RPIA: variants seen among roughly 807,000 people sequenced by gnomAD.
RPIA encodes ribose 5-phosphate isomerase A.
RPIA carries 29 observed loss-of-function variants against 37.8 expected under a neutral mutation model. The observed-to-expected ratio is 0.77, with a 90% confidence interval of 0.57 to 1.05. The LOEUF is 1.05. Among genes scored for constraint, RPIA ranks in the 50% least tolerant of loss-of-function variants. The probability of loss-of-function intolerance (pLI) is 0.00; values close to 1 mark genes in which losing one functional copy is unlikely to be tolerated. For synonymous variants in RPIA, 167 were observed against 157.0 expected, an observed-to-expected ratio of 1.06 and a Z score of -0.48; for missense variants, 385 against 413.6, an observed-to-expected ratio of 0.93 and a Z score of 0.60.
At chr2:88,749,130 AATGT>A (rs1673472375) in intron 8 of RPIA, among the ~76,000 whole-genome samples, 1 of 152,220 alleles carries the variant, frequency 6.6e-6, no homozygotes, top group Non-Finnish European at 1.5e-5. Flanking sequence ...TTGATGACCA[AATGT>A]ATGCCTAACA....
chr2:88,718,810 A>G (rs1673068017), intron 3 of RPIA, among the ~76,000 whole-genome samples: 1 of 152,250 alleles, frequency 6.6e-6, no homozygotes, highest in Non-Finnish European at 1.5e-5. Flanking sequence ...AATCAGGTAG[A>G]GAAAAACAAA....
At chr2:88,737,949 T>C in intron 7 of RPIA, 28 bp from the exon 8 acceptor site, 2 of 1,554,852 alleles carry the variant, frequency 1.3e-6, no homozygotes. Flanking sequence ...ATCTGCATCC[T>C]TGGTCACTGT....
intron 4 of RPIA, among the ~76,000 whole-genome samples, chr2:88,733,733 C>A (rs527881450): frequency 6.6e-6 from 1 of 152,290 alleles, no homozygotes; most frequent in African/African-American, 2.4e-5. Context: ...AGTAACTGCA[C>A]CATGAATAGA....
chr2:88,740,958 T>C (rs1004236477), intron 8 of RPIA, among the ~76,000 whole-genome samples: 2 of 152,210 alleles, frequency 1.3e-5, no homozygotes, highest in East Asian at 1.9e-4. Flanking sequence ...GGACCTTTAT[T>C]TGTGTTCAGC....
At chr2:88,745,509 A>T (rs1673429049) in intron 8 of RPIA, among the ~76,000 whole-genome samples, 1 of 152,174 alleles carries the variant, frequency 6.6e-6, no homozygotes, top group Non-Finnish European at 1.5e-5. Context: ...TTGTCTGAAA[A>T]TGACTGTATC....
rs746567368 is a variant in RPIA at position 88,734,632 on chromosome 2, G to C, written c.527+16G>C. 6.2e-7 allele frequency: 1 copy of C among 1,613,560 alleles called. No homozygotes were observed. Among genetic ancestry groups the C allele is most frequent in the Admixed American group, 1.7e-5 (1 of 60,024 alleles). On this transcript the variant is annotated intron_variant, in intron 5 of 8. Coordinates refer to ENST00000283646, the MANE Select transcript of RPIA (RefSeq NM_144563.3). ...AGGGTGGCGGGTGAGTGTTGTGGGG[G>C]CTTCTGTGCTAAAGAGTATCTGCCA...
chr2:88,718,342 T>A (rs1415064075), intron 3 of RPIA, among the ~76,000 whole-genome samples: 1 of 151,184 alleles, frequency 6.6e-6, no homozygotes, highest in Non-Finnish European at 1.5e-5. Context: ...AGAATAATAA[T>A]TACTTTTTTT....
intron 8 of RPIA, among the ~76,000 whole-genome samples, chr2:88,740,907 C>G (rs955411488): frequency 1.3e-5 from 2 of 152,170 alleles, no homozygotes; most frequent in Non-Finnish European, 2.9e-5. Flanking sequence ...CTTTGCTCAT[C>G]TTTGGAAGGA....
chr2:88,736,942 A>G (rs1003856670), intron 7 of RPIA, among the ~76,000 whole-genome samples: 1 of 152,174 alleles, frequency 6.6e-6, no homozygotes, highest in African/African-American at 2.4e-5. Flanking sequence ...AGGTTCTGAC[A>G]TCCCACAGGT....
At chr2:88,712,270 A>G (rs555582843) in intron 3 of RPIA, among the ~76,000 whole-genome samples, 47 of 152,340 alleles carry the variant, frequency 3.1e-4, no homozygotes, top group African/African-American at 1.0e-3. Flanking sequence ...TTTGTGCTTC[A>G]TCTGATAGGC....
chr2:88,736,682 T>TG lies in RPIA; in HGVS notation c.738+8dup. 1 of 1,609,392 alleles carries TG rather than the reference T, an allele frequency of 6.2e-7. No individual in the cohort carries two copies. Among genetic ancestry groups the TG allele is most frequent in the East Asian group, 2.2e-5 (1 of 44,734 alleles). ...GAATGGCTGTCAACAAGGCTGTGAG[T>TG]GGCCTGGTTGGGCCGGGGGTGTGCT... is the stretch of plus-strand genomic sequence containing the variant. On this transcript the variant is annotated splice_region_variant and intron_variant, in intron 7 of 8. Coordinates refer to ENST00000283646, the MANE Select transcript of RPIA (RefSeq NM_144563.3).
intron 1 of RPIA, among the ~76,000 whole-genome samples, chr2:88,695,353 A>G (rs1407925726): frequency 6.6e-6 from 1 of 152,208 alleles, no homozygotes; most frequent in African/African-American, 2.4e-5. Flanking sequence ...GTGGAACCTT[A>G]TGGTATCTCC....
intron 1 of RPIA, among the ~76,000 whole-genome samples, chr2:88,695,904 A>G (rs1052698674): frequency 1.3e-5 from 2 of 151,868 alleles, no homozygotes; most frequent in African/African-American, 4.8e-5. Context: ...ATATATGTAT[A>G]TGGTTGTGGG....
chr2:88,722,851 A>G (rs1036450537), intron 3 of RPIA, among the ~76,000 whole-genome samples: 2 of 152,126 alleles, frequency 1.3e-5, no homozygotes, highest in African/African-American at 4.8e-5. Context: ...AAGGGGTTCA[A>G]CTCATTATAA....
chr2:88,718,739 T>C (rs1400697130), intron 3 of RPIA, among the ~76,000 whole-genome samples: 1 of 152,212 alleles, frequency 6.6e-6, no homozygotes, highest in African/African-American at 2.4e-5. Flanking sequence ...ATTGCACTTA[T>C]GCAAATAACT....
intron 8 of RPIA, among the ~76,000 whole-genome samples, chr2:88,748,711 CTCTT>C (rs1027517580): frequency 5.9e-5 from 9 of 152,030 alleles, no homozygotes; most frequent in African/African-American, 1.9e-4. Context: ...TTAGTTTTTT[CTCTT>C]TCTTTCTTTT....
intron 2 of RPIA, among the ~76,000 whole-genome samples, chr2:88,699,189 T>G (rs78247268): frequency 7.3e-4 from 111 of 152,338 alleles, no homozygotes; most frequent in African/African-American, 2.6e-3. Context: ...AGGAGTGGTT[T>G]TAGTGCTGGT....
At chr2:88,740,407 C>CA (rs1320919502) in intron 8 of RPIA, among the ~76,000 whole-genome samples, 1 of 152,168 alleles carries the variant, frequency 6.6e-6, no homozygotes, top group Non-Finnish European at 1.5e-5. Flanking sequence ...ACAGGACAAT[C>CA]AGAGTGGTTT....
intron 6 of RPIA, 120 bp downstream of exon 6, chr2:88,735,857 G>A: frequency 1.1e-6 from 1 of 951,252 alleles, no homozygotes; most frequent in Non-Finnish European, 1.7e-6. Context: ...TTCTGAGACT[G>A]ATGGCTAGGA....
Sources: allele counts gnomAD v4.1 joint callset (sites outside exome capture counted in the v4.1 genomes callset), GRCh38; gene constraint gnomAD v4.1.1; transcripts MANE v1.5; gene names NCBI Gene and HGNC (gene_info 2026-07-23, HGNC 2026-07-21).